Variants in COBLL1 observed in about 807,000 individuals in gnomAD.
COBLL1 encodes the protein cordon-bleu protein-like 1.
COBLL1 carries 50 observed loss-of-function variants against 94.8 expected under a neutral mutation model. The observed-to-expected ratio is 0.53, with a 90% CI of 0.42 to 0.67. The LOEUF is 0.67. Ranked by LOEUF, COBLL1 falls within the 30% of genes least tolerant of loss-of-function variation. COBLL1 has a pLI of 0.00. For synonymous variants in COBLL1, 448 were observed against 473.8 expected (o/e 0.95, Z 0.71); for missense variants, 1,362 against 1,348.7 (o/e 1.01, Z -0.15).
At chr2:164,761,038 C>T (rs1248597041) in intron 2 of COBLL1, among the ~76,000 whole-genome samples, 2 of 152,062 alleles carry the variant, frequency 1.3e-5, no homozygotes, top group East Asian at 1.9e-4. Flanking sequence ...GACCTCATTC[C>T]CAGATTATAT....
Position 164,765,448 on chromosome 2 carries a change from A to G in COBLL1, c.42-21573T>C, listed in dbSNP as rs115657086. ...ATATAGAATGAGAGACTTAAGTGAT[A>G]TAACCACCAAATGTTAGATACGCTA... On this transcript the variant is annotated intron_variant, in intron 2 of 13. Coordinates refer to ENST00000652658, the MANE Select transcript of COBLL1 (RefSeq NM_001365672.2). Among the ~76,000 whole-genome samples, 833 of 152,328 alleles carry G rather than the reference A, an allele frequency of 5.5e-3. 10 individuals are homozygous for G. Among genetic ancestry groups the G allele is most frequent in the African/African-American group, 0.019 (784 of 41,574 alleles).
At chr2:164,753,592 T>C (rs1382578166) in intron 2 of COBLL1, among the ~76,000 whole-genome samples, 1 of 149,938 alleles carries the variant, frequency 6.7e-6, no homozygotes, top group African/African-American at 2.5e-5. Context: ...ATGGCGGCCA[T>C]GTAGCTACTG....
intron 2 of COBLL1, chr2:164,837,432 G>T: frequency 2.2e-6 from 1 of 460,454 alleles, no homozygotes; most frequent in South Asian, 1.6e-5. Flanking sequence ...AATTACTTTT[G>T]ACTATCGCTC....
intron 4 of COBLL1, among the ~76,000 whole-genome samples, chr2:164,729,701 A>G (rs1685887360): frequency 6.6e-6 from 1 of 152,176 alleles, no homozygotes; most frequent in South Asian, 2.1e-4. Flanking sequence ...ATGCAATCAT[A>G]TTGATCATTT....
chr2:164,837,773 T>A (rs1287749267), intron 2 of COBLL1, among the ~76,000 whole-genome samples: 3 of 152,194 alleles, frequency 2.0e-5, no homozygotes, highest in Non-Finnish European at 4.4e-5. Context: ...ACCGAAACTG[T>A]TGTGACTCAA....
chr2:164,776,567 G>GT (rs34783312), intron 2 of COBLL1, among the ~76,000 whole-genome samples: 34,914 of 150,796 alleles, frequency 0.23, 4,671 homozygotes, highest in African/African-American at 0.37. Context: ...ATTTATCACT[G>GT]TTTTTTTTTA....
At chr2:164,760,704 C>T (rs1190789469) in intron 2 of COBLL1, among the ~76,000 whole-genome samples, 1 of 151,974 alleles carries the variant, frequency 6.6e-6, no homozygotes, top group Non-Finnish European at 1.5e-5. Context: ...ACTTTCTGCA[C>T]TATTTCTGTA....
At chr2:164,711,782 A>T (rs1019711901) in intron 7 of COBLL1, among the ~76,000 whole-genome samples, 2 of 152,214 alleles carry the variant, frequency 1.3e-5, no homozygotes, top group African/African-American at 4.8e-5. Context: ...ATTAAAATTT[A>T]TTAAGTCTAA....
chr2:164,808,113 C>T (rs964094196), intron 2 of COBLL1, among the ~76,000 whole-genome samples: 2 of 152,128 alleles, frequency 1.3e-5, no homozygotes, highest in African/African-American at 4.8e-5. Flanking sequence ...ATCCACCGTG[C>T]CTGGCCTGAG....
chr2:164,728,022 T>G lies in COBLL1; in HGVS notation c.608A>C (p.Lys203Thr), dbSNP rs1685802717. The change falls in exon 5 of 14, where the codon AAA becomes ACA. Residue 203 changes from lysine (K) to threonine (T), a missense_variant. Lys to Thr is a moderately conservative substitution (Grantham distance 78). Coordinates refer to ENST00000652658, the MANE Select transcript of COBLL1 (RefSeq NM_001365672.2). ...YQSQEPLDLT[K>T]SLNDLGLREL... ...TCTTAGTCCCAGGTCATTAAGAGAT[T>G]TTGTCAAGTCAAGAGGCTCCTGCGA... The G allele has an allele frequency of 2.5e-6, 4 of 1,613,722 alleles. No homozygotes were observed. Among genetic ancestry groups the G allele is most frequent in the Non-Finnish European group, 3.4e-6 (4 of 1,179,686 alleles).
intron 9 of COBLL1, among the ~76,000 whole-genome samples, 192 bp downstream of exon 9, chr2:164,704,252 A>G (rs935448679): frequency 1.3e-5 from 2 of 152,210 alleles, no homozygotes; most frequent in Non-Finnish European, 2.9e-5. Flanking sequence ...GATCTCTGCC[A>G]GCTTCATACT....
At chr2:164,727,688 CA>C (rs5835991) in intron 5 of COBLL1, among the ~76,000 whole-genome samples, 91 of 137,144 alleles carry the variant, frequency 6.6e-4, no homozygotes, top group East Asian at 8.6e-4. Flanking sequence ...TAAATCCTAC[CA>C]AAAAAAAAAA....
chr2:164,701,669 T>C (rs1050953956), intron 9 of COBLL1, among the ~76,000 whole-genome samples: 10 of 125,222 alleles, frequency 8.0e-5, no homozygotes, highest in African/African-American at 4.5e-4. Context: ...CATTTCACTG[T>C]ATAAAAAAAA....
intron 8 of COBLL1, among the ~76,000 whole-genome samples, 166 bp from the exon 9 acceptor site, chr2:164,704,684 T>C (rs187615750): frequency 1.3e-5 from 2 of 152,370 alleles, no homozygotes; most frequent in Non-Finnish European, 2.9e-5. Flanking sequence ...CTTTTCTACA[T>C]ACAGCTAATC....
chr2:164,814,056 G>A (rs1207105302), intron 2 of COBLL1, among the ~76,000 whole-genome samples: 1 of 152,106 alleles, frequency 6.6e-6, no homozygotes, highest in Non-Finnish European at 1.5e-5. Context: ...CTTTTATAAA[G>A]TTTTGGAAAA....
chr2:164,824,586 T>C (rs1180962199), intron 2 of COBLL1, among the ~76,000 whole-genome samples: 1 of 152,158 alleles, frequency 6.6e-6, no homozygotes, highest in African/African-American at 2.4e-5. Context: ...AAGAAAACAG[T>C]TTAACAGTTT....
intron 13 of COBLL1, among the ~76,000 whole-genome samples, chr2:164,691,318 C>T (rs577415997): frequency 2.0e-5 from 3 of 152,344 alleles, no homozygotes; most frequent in East Asian, 3.9e-4. Context: ...GGTTTAATTT[C>T]TGTTGAGCTC....
intron 2 of COBLL1, among the ~76,000 whole-genome samples, chr2:164,757,574 T>C (rs1230301842): frequency 8.2e-6 from 1 of 121,524 alleles, no homozygotes; most frequent in African/African-American, 3.0e-5. Context: ...CACACACCTC[T>C]CTCTGTCTGG....
Position 164,841,497 on chromosome 2 carries a change from T to C in COBLL1, c.-51+213A>G. 9.1e-7 allele frequency: 1 copy of C among 1,102,172 alleles called. No homozygotes were observed. Among genetic ancestry groups the C allele is most frequent in the Non-Finnish European group, 1.1e-6 (1 of 900,224 alleles). 68.3% of individuals were successfully genotyped at this position (1,102,172 alleles called of 1,614,324 possible). A position where few individuals can be genotyped will look rare whatever the true frequency, so the allele number is the denominator to read the frequency against. On this transcript the variant is annotated intron_variant, in intron 1 of 13. Coordinates refer to ENST00000652658, the MANE Select transcript of COBLL1 (RefSeq NM_001365672.2). This position sits in a 1 kb window ranked among gnomAD's most constrained non-coding sequence, Gnocchi z 5.5. Reference sequence around the variant, plus strand: ...GCAGCCCCCGCCCCGTGGGGTTTACTGGGTAGCCATTTGGCGCCTCTCGGA... The same window carrying C: ...GCAGCCCCCGCCCCGTGGGGTTTACCGGGTAGCCATTTGGCGCCTCTCGGA...
Sources: allele counts gnomAD v4.1 joint callset (sites outside exome capture counted in the v4.1 genomes callset), GRCh38; gene constraint gnomAD v4.1.1; non-coding constraint Gnocchi (gnomAD v3.1); transcripts MANE v1.5; gene names NCBI Gene and HGNC (gene_info 2026-07-23, HGNC 2026-07-21).